MAP2K5: variants seen among roughly 807,000 people sequenced by gnomAD.
The protein encoded by MAP2K5 is mitogen-activated protein kinase kinase 5.
In MAP2K5, 49 loss-of-function variants were observed where a neutral mutation model predicts 83.1. That is an observed-to-expected ratio of 0.59 (90% CI 0.47 to 0.75). The LOEUF (loss-of-function observed/expected upper bound fraction) is 0.75. MAP2K5 is among the 30% of genes least tolerant of loss of function. The pLI, the probability that MAP2K5 is intolerant of heterozygous loss-of-function variation, is 0.00. For synonymous variants in MAP2K5, 202 were observed against 191.8 expected (o/e 1.05, Z -0.44); for missense variants, 457 against 557.5 (o/e 0.82, Z 1.82).
rs1211002124 is a variant in MAP2K5 at position 67,780,888 on chromosome 15, ACATAT to A, written c.1242+8137_1242+8141del. Reference sequence around the variant, plus strand: ...TGCTGACCAGGTGGTGATCAGCAGCACATATGATCTTTGGTATGCATTCTGACCAC... The same window carrying A: ...TGCTGACCAGGTGGTGATCAGCAGCAGATCTTTGGTATGCATTCTGACCAC... On this transcript the variant is annotated intron_variant, in intron 21 of 21. Transcript: ENST00000178640. This position sits in a 1 kb window ranked among gnomAD's most constrained non-coding sequence, Gnocchi z 5.0. Among the ~76,000 whole-genome samples the A allele has an allele frequency of 3.3e-5, 5 of 152,324 alleles. No homozygotes were observed. In the East Asian group the frequency reaches 9.6e-4, roughly 29 times the overall value.
rs1224457005 is a variant in MAP2K5 at position 67,793,253 on chromosome 15, G to A, written c.1243-13393G>A. On this transcript the variant is annotated intron_variant, in intron 21 of 21. Coordinates refer to ENST00000178640, the MANE Select transcript of MAP2K5 (RefSeq NM_145160.3). This position sits in a 1 kb window ranked among gnomAD's most constrained non-coding sequence, Gnocchi z 4.6. The stretch of plus-strand genomic sequence containing the variant: ...GCTTGTGAATAGCCACTGTGCTCCA[G>A]TCAGGGCAACACTGTGAGACCTCAT... 6.6e-6 allele frequency among the ~76,000 whole-genome samples: 1 copy of A among 152,082 alleles called. No individual in the cohort carries two copies. Among genetic ancestry groups the A allele is most frequent in the Admixed American group, 6.5e-5 (1 of 15,276 alleles).
chr15:67,680,307 G>C (rs1200097163), intron 13 of MAP2K5, among the ~76,000 whole-genome samples: 1 of 152,072 alleles, frequency 6.6e-6, no homozygotes, highest in Non-Finnish European at 1.5e-5. Context: ...ATGTGGTTCT[G>C]TATTTTCATT....
chr15:67,625,983 A>G (rs984629804), intron 8 of MAP2K5, among the ~76,000 whole-genome samples: 6 of 152,350 alleles, frequency 3.9e-5, no homozygotes, highest in Non-Finnish European at 4.4e-5. Flanking sequence ...GCTGGTCTCA[A>G]ACGTCCAGGT....
At chr15:67,752,023 A>T (rs2089728774) in intron 19 of MAP2K5, among the ~76,000 whole-genome samples, 1 of 148,588 alleles carries the variant, frequency 6.7e-6, no homozygotes, top group South Asian at 2.2e-4. Context: ...TGTCCCAACA[A>T]CCTGACCGTC....
Position 67,543,553 on chromosome 15 carries a change from G to A in MAP2K5, c.135+83G>A. On this transcript the variant is annotated intron_variant, in intron 1 of 21. Coordinates refer to ENST00000178640, the MANE Select transcript of MAP2K5 (RefSeq NM_145160.3). This position sits in a 1 kb window ranked among gnomAD's most constrained non-coding sequence, Gnocchi z 4.3. ...TCAGCACCTTGACCACTGGTGACCT[G>A]AGCCAGTGGCAATGGCTACTGCTGG... 2.0e-6 allele frequency: 3 copies of A among 1,524,394 alleles called. No individual in the cohort carries two copies. The highest frequency in any genetic ancestry group is 2.7e-6 in the Non-Finnish European group (3 of 1,106,910). 94.4% of individuals were successfully genotyped at this position (1,524,394 alleles called of 1,614,324 possible).
At chr15:67,609,836 C>T (rs1192385267) in intron 8 of MAP2K5, among the ~76,000 whole-genome samples, 1 of 151,942 alleles carries the variant, frequency 6.6e-6, no homozygotes, top group Non-Finnish European at 1.5e-5. Flanking sequence ...GGAGAAGAAC[C>T]TTATAGGCAG....
At position 67,790,103 on chromosome 15, in the gene MAP2K5, T is replaced by G. The variant is rs2090490276; in HGVS notation, c.1243-16543T>G. 6.6e-6 allele frequency among the ~76,000 whole-genome samples: 1 copy of G among 152,204 alleles called. No individual in the cohort carries two copies. Among genetic ancestry groups the G allele is most frequent in the Non-Finnish European group, 1.5e-5 (1 of 68,026 alleles). ...CCTTTGTTTGGTTGTGTATCTTTCT[T>G]CCACTCTTAAAAAAGCAGGCTTGGA... On this transcript the variant is annotated intron_variant, in intron 21 of 21. Transcript: ENST00000178640. This position sits in a 1 kb window ranked among gnomAD's most constrained non-coding sequence, Gnocchi z 4.6.
Position 67,563,294 on chromosome 15 carries a change from G to A in MAP2K5, c.196G>A (p.Asp66Asn). 6.2e-7 allele frequency: 1 copy of A among 1,610,836 alleles called. No homozygotes were observed. The highest frequency in any genetic ancestry group is 8.5e-7 in the Non-Finnish European group (1 of 1,178,514). ...TTTAFEYEDEDGDRITVRSDE... is the reference protein window; with the variant it reads ...TTTAFEYEDENGDRITVRSDE... ...GTGCTTTTAAACAGATGAAGATGAAGATGGTGATCGAATTACAGTGAGAAG... is the reference window on the plus strand; with the variant it reads ...GTGCTTTTAAACAGATGAAGATGAAAATGGTGATCGAATTACAGTGAGAAG... Residue 66 changes from aspartate (D) to asparagine (N), a missense_variant, in exon 3 of 22, where the codon GAT becomes AAT. Transcript: ENST00000178640. The surrounding 1 kb of genome is among the most constrained non-coding windows in gnomAD (Gnocchi z 4.5).
chr15:67,642,839 C>T (rs770295093), intron 9 of MAP2K5, among the ~76,000 whole-genome samples: 1 of 152,200 alleles, frequency 6.6e-6, no homozygotes, highest in Admixed American at 6.5e-5. Flanking sequence ...GATATATTCA[C>T]AGCCAGTAGT....
chr15:67,619,603 A>G (rs1185017526), intron 8 of MAP2K5, among the ~76,000 whole-genome samples: 1 of 152,244 alleles, frequency 6.6e-6, no homozygotes, highest in Non-Finnish European at 1.5e-5. Flanking sequence ...CCCTATATTA[A>G]GAATTTACAG....
rs1010002659 is a variant in MAP2K5 at position 67,758,459 on chromosome 15, T to C, written c.1134+9858T>C. On this transcript the variant is annotated intron_variant, in intron 19 of 21. Transcript: ENST00000178640. The surrounding 1 kb of genome is among the most constrained non-coding windows in gnomAD (Gnocchi z 4.7). ...TCACCAAGCACCTCATTCAAAACTATATTCATTCCTGCTCCAGATTCAATT... is the reference window on the plus strand; with the variant it reads ...TCACCAAGCACCTCATTCAAAACTACATTCATTCCTGCTCCAGATTCAATT... Among the ~76,000 whole-genome samples, 2 of 152,156 alleles carry C rather than the reference T, an allele frequency of 1.3e-5. No homozygotes were observed. Among genetic ancestry groups the C allele is most frequent in the Middle Eastern group, 3.2e-3 (1 of 316 alleles).
intron 8 of MAP2K5, among the ~76,000 whole-genome samples, chr15:67,612,818 CA>C (rs1011972142): frequency 6.6e-6 from 1 of 152,218 alleles, no homozygotes; most frequent in African/African-American, 2.4e-5. Flanking sequence ...AATTAAAGCA[CA>C]GGCATTTACA....
intron 17 of MAP2K5, among the ~76,000 whole-genome samples, chr15:67,740,753 C>T (rs1021699118): frequency 3.3e-5 from 5 of 152,206 alleles, no homozygotes; most frequent in South Asian, 2.1e-4. Context: ...CATGGCCTGG[C>T]GTGGTGGCTC....
At chr15:67,560,919 T>A (rs759864055) in intron 2 of MAP2K5, among the ~76,000 whole-genome samples, 20 of 152,188 alleles carry the variant, frequency 1.3e-4, no homozygotes, top group South Asian at 2.1e-4. Context: ...CCCCTTTTTT[T>A]AAATAAATTA....
Position 67,752,450 on chromosome 15 carries a change from C to T in MAP2K5, c.1134+3849C>T, listed in dbSNP as rs111383052. 7.5e-4 allele frequency among the ~76,000 whole-genome samples: 113 copies of T among 151,198 alleles called. 2 individuals are homozygous for T. The South Asian group carries it at 0.022, about 29-fold the overall frequency. On this transcript the variant is annotated intron_variant, in intron 19 of 21. Transcript: ENST00000178640. The stretch of plus-strand genomic sequence containing the variant: ...ATTCCAGCACTTTGGGAGGCCAAAG[C>T]GGGTGGATCACAAGGTCAGGGGTTC...
chr15:67,701,497 A>G (rs1266917104), intron 15 of MAP2K5, among the ~76,000 whole-genome samples: 1 of 152,242 alleles, frequency 6.6e-6, no homozygotes, highest in Non-Finnish European at 1.5e-5. Context: ...TTAATGAAGT[A>G]CAGAAGCAGG....
intron 7 of MAP2K5, among the ~76,000 whole-genome samples, chr15:67,593,340 C>T (rs927902373): frequency 6.6e-6 from 1 of 152,178 alleles, no homozygotes; most frequent in South Asian, 2.1e-4. Flanking sequence ...CTCACCTTAG[C>T]TCCTTCTTTT....
Position 67,772,644 on chromosome 15 carries a change from A to G in MAP2K5, c.1197-63A>G, listed in dbSNP as rs373288102. The G allele has an allele frequency of 3.1e-4, 344 of 1,125,722 alleles. 2 individuals carry two copies. In the Middle Eastern group the frequency reaches 9.7e-3, roughly 32 times the overall value. The allele number at this position is 1,125,722 out of a possible 1,614,324, so 69.7% of individuals were successfully genotyped here. A position where few individuals can be genotyped will look rare whatever the true frequency, so the allele number is the denominator to read the frequency against. ...TCCAGTACAAATAGCCATTGGTAGA[A>G]ATTATAGCAAAAATATACAAATGAC... On this transcript the variant is annotated intron_variant, in intron 20 of 21. Transcript: ENST00000178640.
intron 13 of MAP2K5, among the ~76,000 whole-genome samples, chr15:67,666,340 A>C (rs906679191): frequency 2.0e-5 from 3 of 152,176 alleles, no homozygotes; most frequent in African/African-American, 7.2e-5. Context: ...CATGCTGATA[A>C]GTTGATGTAC....
Sources: gnomAD v4.1 joint callset for allele counts (sites outside exome capture counted in the v4.1 genomes callset) on GRCh38, gnomAD v4.1.1 for gene constraint, Gnocchi (gnomAD v3.1) non-coding constraint, MANE v1.5 for transcripts, NCBI Gene and HGNC (gene_info 2026-07-23, HGNC 2026-07-21) for gene names.